Variants in PRKG1 observed in about 807,000 individuals in gnomAD.
PRKG1 encodes protein kinase cGMP-dependent 1.
A neutral mutation model predicts 88.1 loss-of-function variants in PRKG1; 35 were observed. That is an observed-to-expected ratio of 0.40 (90% CI 0.30 to 0.53). PRKG1 has a LOEUF of 0.53. Ranked by LOEUF, PRKG1 falls within the 20% of genes least tolerant of loss-of-function variation. PRKG1 has a pLI of 0.59. For synonymous variants in PRKG1, 303 were observed against 292.5 expected (o/e 1.04, Z -0.37); for missense variants, 540 against 839.8 (o/e 0.64, Z 4.41).
intron 7 of PRKG1, chr10:52,128,586 T>G: frequency 3.0e-6 from 3 of 984,816 alleles, no homozygotes; most frequent in Non-Finnish European, 3.6e-6. Flanking sequence ...TGGGATATTT[T>G]TCATGCTCTA....
At chr10:51,759,936 A>G (rs910615575) in intron 3 of PRKG1, among the ~76,000 whole-genome samples, 2 of 152,180 alleles carry the variant, frequency 1.3e-5, no homozygotes, top group Non-Finnish European at 2.9e-5. Context: ...TTGTTGGTAC[A>G]CTTATTTCAA....
intron 14 of PRKG1, among the ~76,000 whole-genome samples, chr10:52,282,905 G>A: frequency 6.6e-6 from 1 of 152,088 alleles, no homozygotes; most frequent in Admixed American, 6.6e-5. Flanking sequence ...TTTCAGGACA[G>A]GGATGGGTTC....
chr10:51,189,463 CA>C, intron 2 of PRKG1, among the ~76,000 whole-genome samples: 1 of 151,846 alleles, frequency 6.6e-6, no homozygotes, highest in South Asian at 2.1e-4. Context: ...TTCCTATGAG[CA>C]AATAAGGTGG....
chr10:51,943,383 A>G lies in PRKG1; in HGVS notation c.762+35813A>G, dbSNP rs567309304. ...GATGATGGGGTTTTCTAGATATACAATCATGTCATCTGCAAACAGGGACAA... is the reference window on the plus strand; with the variant it reads ...GATGATGGGGTTTTCTAGATATACAGTCATGTCATCTGCAAACAGGGACAA... On this transcript the variant is annotated intron_variant, in intron 5 of 17. Coordinates refer to ENST00000373980, the MANE Select transcript of PRKG1 (RefSeq NM_006258.4). Among the ~76,000 whole-genome samples, 344 of 152,078 alleles carry G rather than the reference A, an allele frequency of 2.3e-3. 6 individuals are homozygous for G. The highest frequency in any genetic ancestry group is 7.6e-3 in the African/African-American group (314 of 41,364).
In PRKG1 at chr10:51,044,570, AT is replaced by A. The variant is rs549596670; in HGVS notation, c.266+52937del. On this transcript the variant is annotated intron_variant, in intron 1 of 17. Transcript: ENST00000401604. ...ATTCAGAGCTTAGTAGGTAGAGGAA[AT>A]TTTTTTTTTTATTGGAGGAGGGAGT... is the stretch of plus-strand genomic sequence containing the variant. 2.3e-3 allele frequency among the ~76,000 whole-genome samples: 340 copies of A among 148,124 alleles called. 2 individuals are homozygous for A. Among genetic ancestry groups the A allele is most frequent in the Middle Eastern group, 7.0e-3 (2 of 286 alleles).
At chr10:51,872,998 A>T (rs1436061234) in intron 4 of PRKG1, among the ~76,000 whole-genome samples, 1 of 152,148 alleles carries the variant, frequency 6.6e-6, no homozygotes, top group African/African-American at 2.4e-5. Flanking sequence ...TCTCAAGCCT[A>T]TATAGTTATA....
chr10:51,031,902 G>T (rs1045092873), intron 1 of PRKG1, among the ~76,000 whole-genome samples: 3 of 152,242 alleles, frequency 2.0e-5, no homozygotes, highest in South Asian at 4.1e-4. Flanking sequence ...GTGATTTTAG[G>T]TGTTTTTTCA....
At chr10:51,959,843 G>A (rs1170902902) in intron 5 of PRKG1, among the ~76,000 whole-genome samples, 1 of 152,100 alleles carries the variant, frequency 6.6e-6, no homozygotes, top group Non-Finnish European at 1.5e-5. Flanking sequence ...ATTGAATCTT[G>A]TGTTCTCTAA....
chr10:52,060,978 A>G (rs1377734397), intron 6 of PRKG1, among the ~76,000 whole-genome samples: 2 of 152,054 alleles, frequency 1.3e-5, no homozygotes, highest in Non-Finnish European at 2.9e-5. Flanking sequence ...GTTTAAACAA[A>G]GAAAATAAAT....
chr10:51,551,694 A>T (rs1837139618), intron 3 of PRKG1, among the ~76,000 whole-genome samples: 1 of 151,740 alleles, frequency 6.6e-6, no homozygotes, highest in Non-Finnish European at 1.5e-5. Context: ...AAAACTAATA[A>T]TTGAGTGAGA....
At chr10:51,636,148 A>G (rs189174125) in intron 3 of PRKG1, among the ~76,000 whole-genome samples, 2 of 152,268 alleles carry the variant, frequency 1.3e-5, no homozygotes, top group Admixed American at 1.3e-4. Flanking sequence ...TTTTAGAAGT[A>G]AGTGGAGTTT....
intron 8 of PRKG1, among the ~76,000 whole-genome samples, chr10:52,141,428 G>A (rs1837578475): frequency 6.6e-6 from 1 of 152,062 alleles, no homozygotes. Flanking sequence ...AGTCCTTATA[G>A]CAATGATATA....
chr10:52,152,343 T>G (rs1010869179), intron 8 of PRKG1, among the ~76,000 whole-genome samples: 8 of 152,100 alleles, frequency 5.3e-5, no homozygotes, highest in Non-Finnish European at 7.4e-5. Flanking sequence ...TCTCATGAAA[T>G]GTACATTTTG....
At chr10:51,514,136 T>A (rs1057062147) in intron 3 of PRKG1, among the ~76,000 whole-genome samples, 2 of 145,180 alleles carry the variant, frequency 1.4e-5, no homozygotes, top group Admixed American at 1.4e-4. Context: ...AAGAATCAAA[T>A]AGACACAATA....
chr10:51,044,222 C>T (rs957119529), intron 1 of PRKG1, among the ~76,000 whole-genome samples: 3 of 152,118 alleles, frequency 2.0e-5, no homozygotes, highest in Non-Finnish European at 4.4e-5. Flanking sequence ...TCATTATGTG[C>T]CCCAGTGCTT....
chr10:51,830,405 T>C (rs72799454), intron 4 of PRKG1, among the ~76,000 whole-genome samples: 20,383 of 152,064 alleles, frequency 0.13, 1,802 homozygotes, highest in African/African-American at 0.25. Context: ...TTATATATGG[T>C]GTTCTGTTTG....
At chr10:51,135,492 C>G (rs1434426754) in intron 1 of PRKG1, among the ~76,000 whole-genome samples, 1 of 151,980 alleles carries the variant, frequency 6.6e-6, no homozygotes, top group East Asian at 1.9e-4. Context: ...GGCAAAAAAC[C>G]CAGAATATAA....
chr10:51,902,539 T>C (rs1321643033), intron 4 of PRKG1, among the ~76,000 whole-genome samples: 1 of 152,164 alleles, frequency 6.6e-6, no homozygotes, highest in Admixed American at 6.6e-5. Context: ...AAATAAGGTA[T>C]CCAAATGTAT....
rs74133521 is a variant in PRKG1 at position 51,191,423 on chromosome 10, A to C, written c.478+38093A>C. Among the ~76,000 whole-genome samples, 454 of 151,954 alleles carry C rather than the reference A, an allele frequency of 3.0e-3. 6 individuals carry two copies. Among genetic ancestry groups the C allele is most frequent in the African/African-American group, 0.011 (439 of 41,500 alleles). ...TTACCTTGTAGGTTTGTGGTGAAGA[A>C]TAAATGCGTGTAAATAATTGGAGCA... On this transcript the variant is annotated intron_variant, in intron 2 of 17. Transcript: ENST00000373980.
Sources: gnomAD v4.1 joint callset for allele counts (sites outside exome capture counted in the v4.1 genomes callset) on GRCh38, gnomAD v4.1.1 for gene constraint, MANE v1.5 for transcripts, NCBI Gene and HGNC (gene_info 2026-07-23, HGNC 2026-07-21) for gene names.